The following TEC variants were observed in gnomAD, a reference collection of about 807,000 sequenced individuals.
TEC encodes the protein tyrosine-protein kinase Tec.
Under a neutral mutation model 93.0 loss-of-function variants are expected in TEC, and 72 were observed. That is an observed-to-expected ratio of 0.77 (90% CI 0.64 to 0.94). TEC has a LOEUF of 0.94. TEC is among the 40% of genes least tolerant of loss of function. The probability of loss-of-function intolerance (pLI) is 0.00; values close to 1 mark genes in which losing one functional copy is unlikely to be tolerated. For synonymous variants in TEC, 249 were observed against 247.7 expected, an observed-to-expected ratio of 1.01 and a Z score of -0.05; for missense variants, 630 against 757.9, an observed-to-expected ratio of 0.83 and a Z score of 1.98.
chr4:48,261,193 T>C (rs1338641053), intron 1 of TEC, among the ~76,000 whole-genome samples: 2 of 152,180 alleles, frequency 1.3e-5, no homozygotes, highest in Middle Eastern at 3.2e-3. Flanking sequence ...GGTTTAAGTA[T>C]GTGACAAAGA....
At chr4:48,143,574 T>C (rs1420634718) in intron 14 of TEC, among the ~76,000 whole-genome samples, 1 of 152,214 alleles carries the variant, frequency 6.6e-6, no homozygotes, top group Non-Finnish European at 1.5e-5. Context: ...AACAACATTA[T>C]AACCCACAAT....
intron 2 of TEC, among the ~76,000 whole-genome samples, chr4:48,183,964 T>C (rs1721699934): frequency 6.6e-6 from 1 of 152,134 alleles, no homozygotes; most frequent in Non-Finnish European, 1.5e-5. Flanking sequence ...AGAATTGAAC[T>C]AAAATCCCTC....
At chr4:48,187,096 T>C (rs1721905291) in intron 2 of TEC, among the ~76,000 whole-genome samples, 1 of 152,244 alleles carries the variant, frequency 6.6e-6, no homozygotes, top group Non-Finnish European at 1.5e-5. Flanking sequence ...AGAAAAATTC[T>C]TCTGCCTTGG....
chr4:48,219,945 AG>A (rs1165907108), intron 2 of TEC, among the ~76,000 whole-genome samples: 2 of 152,064 alleles, frequency 1.3e-5, no homozygotes, highest in Non-Finnish European at 2.9e-5. Context: ...GGACGCTGCA[AG>A]GCATCTGTGG....
intron 1 of TEC, among the ~76,000 whole-genome samples, chr4:48,248,618 A>C (rs2704394): frequency 0.24 from 35,836 of 152,178 alleles, 4,714 homozygotes; most frequent in African/African-American, 0.36. Flanking sequence ...CTGGTTTGGG[A>C]CTAAAGTATC....
chr4:48,150,819 T>C (rs1385500567), intron 10 of TEC, 44 bp downstream of exon 10: 9 of 1,393,116 alleles, frequency 6.5e-6, no homozygotes, highest in South Asian at 1.6e-5. Flanking sequence ...AGGAAGTTCA[T>C]ACAAAAACTC....
chr4:48,139,081 G>A, intron 15 of TEC, 59 bp from the exon 16 acceptor site: 1 of 1,429,866 alleles, frequency 7.0e-7, no homozygotes, highest in South Asian at 1.2e-5. Flanking sequence ...TTTTCTACTT[G>A]CTCTTTCATT....
intron 5 of TEC, 117 bp from the exon 6 acceptor site, chr4:48,168,743 C>T (rs1391323670): frequency 3.1e-6 from 3 of 967,862 alleles, no homozygotes; most frequent in African/African-American, 1.7e-5. Context: ...GCAGCACACT[C>T]TGACCAACTC....
At chr4:48,216,824 A>AT (rs1157983437) in intron 2 of TEC, among the ~76,000 whole-genome samples, 8 of 152,322 alleles carry the variant, frequency 5.3e-5, no homozygotes, top group Non-Finnish European at 8.8e-5. Flanking sequence ...AACAATGCTG[A>AT]TTTTTCATAT....
At chr4:48,231,895 AAGGATAAATGGGG>A (rs1723657534) in intron 1 of TEC, among the ~76,000 whole-genome samples, 1 of 152,242 alleles carries the variant, frequency 6.6e-6, no homozygotes, top group African/African-American at 2.4e-5. Context: ...GGAAGGCCCA[AAGGATAAATGGGG>A]CAGGACTTAT....
At position 48,148,773 on chromosome 4, in the gene TEC, G is replaced by C. The variant is rs59976121; in HGVS notation, c.1006+784C>G. 2.8e-4 allele frequency among the ~76,000 whole-genome samples: 43 copies of C among 152,236 alleles called. No homozygotes were observed. In the East Asian group the frequency reaches 6.6e-3, roughly 23 times the overall value. ...TTGTACAGATTATTTCATCACCCAG[G>C]TATTAAGCCTAGTACCCATTAGTTG... On this transcript the variant is annotated intron_variant, in intron 11 of 17. Coordinates refer to ENST00000381501, the MANE Select transcript of TEC (RefSeq NM_003215.3).
intron 1 of TEC, among the ~76,000 whole-genome samples, chr4:48,234,034 C>T (rs1723712863): frequency 1.3e-5 from 2 of 152,120 alleles, no homozygotes; most frequent in Admixed American, 6.5e-5. Context: ...AATTTCACAA[C>T]TATGGGGATA....
intron 1 of TEC, among the ~76,000 whole-genome samples, chr4:48,257,527 C>A (rs1724377522): frequency 6.6e-6 from 1 of 152,172 alleles, no homozygotes; most frequent in Admixed American, 6.5e-5. Flanking sequence ...CACCACTTAC[C>A]ACTTACCAAG....
At chr4:48,203,072 T>G (rs1243981126) in intron 2 of TEC, among the ~76,000 whole-genome samples, 1 of 152,136 alleles carries the variant, frequency 6.6e-6, no homozygotes, top group East Asian at 1.9e-4. Context: ...AAAAAGAACT[T>G]GGATTTTATG....
At chr4:48,185,712 G>C (rs1165905727) in intron 2 of TEC, among the ~76,000 whole-genome samples, 2 of 152,114 alleles carry the variant, frequency 1.3e-5, no homozygotes, top group Non-Finnish European at 2.9e-5. Context: ...AAAGATTATA[G>C]TTTTTAAAGT....
chr4:48,265,120 C>T (rs1184155232), intron 1 of TEC, among the ~76,000 whole-genome samples: 1 of 151,978 alleles, frequency 6.6e-6, no homozygotes, highest in Non-Finnish European at 1.5e-5. Context: ...AATCATTAAG[C>T]TTCTTAGGGA....
At chr4:48,254,186 G>A (rs1489589488) in intron 1 of TEC, among the ~76,000 whole-genome samples, 2 of 152,230 alleles carry the variant, frequency 1.3e-5, no homozygotes. Flanking sequence ...TATGAATGCA[G>A]AGATAGCAGA....
Position 48,196,810 on chromosome 4 carries a change from C to T in TEC, c.139-20624G>A, listed in dbSNP as rs1200368266. Among the ~76,000 whole-genome samples, 3 of 152,162 alleles carry T rather than the reference C, an allele frequency of 2.0e-5. No individual in the cohort carries two copies. The East Asian group carries it at 5.8e-4, about 29-fold the overall frequency. ...CTTTTCAAACAGAAAAAGAAATTAA[C>T]CTTTCCTCATGGGTCTTACAATTCT... On this transcript the variant is annotated intron_variant, in intron 2 of 17. Transcript: ENST00000381501.
intron 2 of TEC, among the ~76,000 whole-genome samples, chr4:48,195,464 C>T (rs982687555): frequency 2.6e-5 from 4 of 152,160 alleles, no homozygotes; most frequent in African/African-American, 7.2e-5. Flanking sequence ...GTAAAGTGCA[C>T]ACTGGGCTCA....
Sources: gnomAD v4.1 joint callset for allele counts (sites outside exome capture counted in the v4.1 genomes callset) on GRCh38, gnomAD v4.1.1 for gene constraint, MANE v1.5 for transcripts, NCBI Gene and HGNC (gene_info 2026-07-23, HGNC 2026-07-21) for gene names.